The following NRXN2 variants were observed in gnomAD, a reference collection of about 807,000 sequenced individuals.
NRXN2 encodes neurexin-2-beta.
Under a neutral mutation model 128.8 loss-of-function variants are expected in NRXN2, and 29 were observed. The ratio of observed to expected loss-of-function variants is 0.23; its 90% CI spans 0.17 to 0.31. NRXN2 has a LOEUF of 0.31. Ranked by LOEUF, NRXN2 falls within the 10% of genes least tolerant of loss-of-function variation. The pLI, the probability that NRXN2 is intolerant of heterozygous loss-of-function variation, is 1.00. For missense variants in NRXN2, 1,881 were observed against 2,452.6 expected (o/e 0.77, Z 4.92); for synonymous variants, 1,098 against 1,075.2 (o/e 1.02, Z -0.41).
chr11:64,659,452 C>T (rs957668922), intron 11 of NRXN2: 1 of 152,306 alleles, frequency 6.6e-6, no homozygotes, highest in Non-Finnish European at 1.5e-5. Context: ...CATGGACACC[C>T]CGGGGACCAC....
intron 15 of NRXN2, among the ~76,000 whole-genome samples, chr11:64,649,419 C>T (rs1207420823): frequency 1.3e-5 from 2 of 152,176 alleles, no homozygotes; most frequent in Non-Finnish European, 2.9e-5. Flanking sequence ...AACACCTGAT[C>T]CCCTGCCACA....
intron 9 of NRXN2, among the ~76,000 whole-genome samples, chr11:64,664,190 T>C (rs141279664): frequency 2.7e-4 from 41 of 152,284 alleles, no homozygotes; most frequent in African/African-American, 9.9e-4. Context: ...AAAATGGTTA[T>C]GATGGGCTGG....
At chr11:64,676,030 A>G (rs539749882) in intron 7 of NRXN2, 1 of 152,952 alleles carries the variant, frequency 6.5e-6, no homozygotes, top group African/African-American at 2.4e-5. Flanking sequence ...AGGACAACCA[A>G]TGCTGCCCCT....
intron 1 of NRXN2, among the ~76,000 whole-genome samples, chr11:64,719,816 A>G (rs1036126276): frequency 1.3e-5 from 2 of 152,138 alleles, no homozygotes; most frequent in African/African-American, 4.8e-5. Context: ...GTGAGTAAGC[A>G]TGAGGTGCCT....
In NRXN2 at chr11:64,607,515, G is replaced by A; in HGVS notation, c.4820C>T (p.Pro1607Leu). Residue 1607 changes from proline to leucine, a missense_variant, in exon 23 of 23, where the codon CCC (proline) becomes CTC (leucine). Transcript: ENST00000265459. ...RPGVTSAPGF[P>L]HLPTANPTGP... ...TGTGGGGTTGGCTGTGGGCAGATGG[G>A]GGAAGCCGGGGGCTGAGGTCACGCC... 6.3e-7 allele frequency: 1 copy of A among 1,588,492 alleles called. No individual in the cohort carries two copies. The highest frequency in any genetic ancestry group is 8.5e-7 in the Non-Finnish European group (1 of 1,170,248).
chr11:64,623,091 G>C lies in NRXN2; in HGVS notation c.3848-13C>G. ...GTCAGCTGGCGGCCTTGCAGGAGTG[G>C]AAGGGGGTGACAGAGAAGGGGCAGG... On this transcript the variant is annotated splice_polypyrimidine_tract_variant and intron_variant, in intron 20 of 22. Transcript: ENST00000265459. This position sits in a 1 kb window ranked among gnomAD's most constrained non-coding sequence, Gnocchi z 4.9. The C allele has an allele frequency of 6.3e-7, 1 of 1,590,194 alleles. No homozygotes were observed. The highest frequency in any genetic ancestry group is 2.3e-5 in the East Asian group (1 of 44,172).
chr11:64,675,508 G>A (rs896138629), intron 7 of NRXN2: 1 of 152,214 alleles, frequency 6.6e-6, no homozygotes, highest in African/African-American at 2.4e-5. Flanking sequence ...GCTGCCCCAC[G>A]GGAGCAGACA....
intron 2 of NRXN2, among the ~76,000 whole-genome samples, chr11:64,705,506 G>A (rs1055890742): frequency 1.3e-5 from 2 of 151,176 alleles, no homozygotes; most frequent in Admixed American, 6.6e-5. Flanking sequence ...CTGGGTCTGC[G>A]GCCACTACTG....
rs2135333556 is a variant in NRXN2, at chr11:64,623,129, A to G, written c.3848-51T>C. 6.4e-7 allele frequency: 1 copy of G among 1,553,768 alleles called. No individual in the cohort carries two copies. Among genetic ancestry groups the G allele is most frequent in the East Asian group, 2.3e-5 (1 of 43,244 alleles). On this transcript the variant is annotated intron_variant, in intron 20 of 22. Transcript: ENST00000265459. This position sits in a 1 kb window ranked among gnomAD's most constrained non-coding sequence, Gnocchi z 4.9. ...GAGAAGGGGCAGGCAGTGAGGGGAG[A>G]CCAGGAAGGGAAGGAAGAAAAGAAG...
Position 64,622,733 on chromosome 11 carries a change from C to A in NRXN2, c.4173+20G>T, listed in dbSNP as rs759339310. ...CCCACCTATCCCTGCCCTAATCCAC[C>A]AGCCAGAGTGGGGCCTCACCTGGGT... On this transcript the variant is annotated intron_variant, in intron 21 of 22. Coordinates refer to ENST00000265459, the MANE Select transcript of NRXN2 (RefSeq NM_015080.4). The surrounding 1 kb of genome is among the most constrained non-coding windows in gnomAD (Gnocchi z 4.3). The A allele has an allele frequency of 1.3e-6, 2 of 1,599,770 alleles. No individual in the cohort carries two copies. Among genetic ancestry groups the A allele is most frequent in the South Asian group, 2.2e-5 (2 of 90,852 alleles).
Position 64,704,663 on chromosome 11 carries a change from G to GAGAGAGAGAGAGAA in NRXN2, c.731-6872_731-6871insTTCTCTCTCTCTCT, listed in dbSNP as rs2056019404. Reference sequence around the variant, plus strand: ...AGAGAGAGAGAGAGAGAGAGAGAGAGAGAGAGAGATGTCAGTTGCTACCTG... The same window carrying GAGAGAGAGAGAGAA: ...AGAGAGAGAGAGAGAGAGAGAGAGAGAGAGAGAGAGAGAAAGAGAGAGATGTCAGTTGCTACCTG... On this transcript the variant is annotated intron_variant, in intron 2 of 22. Transcript: ENST00000265459. 3.5e-5 allele frequency among the ~76,000 whole-genome samples: 5 copies of GAGAGAGAGAGAGAA among 144,700 alleles called. No homozygotes were observed. In the South Asian group the frequency reaches 1.1e-3, roughly 32 times the overall value. 94.9% of individuals were successfully genotyped at this position (144,700 alleles called of 152,430 possible).
chr11:64,615,260 A>G (rs887392100), intron 22 of NRXN2, among the ~76,000 whole-genome samples: 1 of 152,250 alleles, frequency 6.6e-6, no homozygotes, highest in African/African-American at 2.4e-5. Context: ...CAAGATGGAG[A>G]GGGTCCAAGC....
intron 6 of NRXN2, among the ~76,000 whole-genome samples, chr11:64,681,034 T>C (rs747962502): frequency 9.3e-5 from 14 of 150,396 alleles, no homozygotes; most frequent in Non-Finnish European, 1.6e-4. Context: ...GAGGCAGAGA[T>C]TGCAGTGAGC....
At chr11:64,673,688 TTG>T (rs3080431) in intron 7 of NRXN2, among the ~76,000 whole-genome samples, 3 of 151,294 alleles carry the variant, frequency 2.0e-5, no homozygotes, top group South Asian at 2.1e-4. Context: ...TTTGTTTTGT[TTG>T]TGTGTGTGTG....
chr11:64,665,732 A>G lies in NRXN2; in HGVS notation c.1798+1518T>C, dbSNP rs1362982381. ...CCAAACTCACAGGCCCAGCTCAGTG[A>G]CAGGCGGAGGAGCACAAAAATTTAG... On this transcript the variant is annotated intron_variant, in intron 9 of 22. Transcript: ENST00000265459. Among the ~76,000 whole-genome samples the G allele has an allele frequency of 3.3e-5, 5 of 152,326 alleles. No individual in the cohort carries two copies. In the South Asian group the frequency reaches 6.2e-4, roughly 19 times the overall value.
intron 7 of NRXN2, among the ~76,000 whole-genome samples, chr11:64,672,836 C>T (rs573879595): frequency 6.6e-6 from 1 of 152,116 alleles, no homozygotes; most frequent in Non-Finnish European, 1.5e-5. Context: ...GAAAGACACA[C>T]CATGAAGATG....
At chr11:64,673,151 A>C (rs991385574) in intron 7 of NRXN2, among the ~76,000 whole-genome samples, 5 of 152,206 alleles carry the variant, frequency 3.3e-5, no homozygotes, top group African/African-American at 1.2e-4. Context: ...GTTAACTGGA[A>C]ACAATCTCTG....
At chr11:64,704,164 A>G (rs1179700180) in intron 2 of NRXN2, among the ~76,000 whole-genome samples, 1 of 152,116 alleles carries the variant, frequency 6.6e-6, no homozygotes, top group African/African-American at 2.4e-5. Context: ...AACCCAACAT[A>G]GGTGATTTCA....
chr11:64,651,806 C>T lies in NRXN2; in HGVS notation c.2537-170G>A, dbSNP rs1048870709. On this transcript the variant is annotated intron_variant, in intron 13 of 22. Transcript: ENST00000265459. This position sits in a 1 kb window ranked among gnomAD's most constrained non-coding sequence, Gnocchi z 5.9. ...CAGCTCCAAGAGGAGTGGCAGGACT[C>T]GCCAGTCAAGAGCCAACAGGCTGCC... is the stretch of plus-strand genomic sequence containing the variant. Among the ~76,000 whole-genome samples the T allele has an allele frequency of 6.6e-6, 1 of 152,122 alleles. No homozygotes were observed. Among genetic ancestry groups the T allele is most frequent in the Non-Finnish European group, 1.5e-5 (1 of 68,012 alleles).
Sources: allele counts gnomAD v4.1 joint callset (sites outside exome capture counted in the v4.1 genomes callset), GRCh38; gene constraint gnomAD v4.1.1; non-coding constraint Gnocchi (gnomAD v3.1); transcripts MANE v1.5; gene names NCBI Gene and HGNC (gene_info 2026-07-23, HGNC 2026-07-21).